Variants in RNF20 observed in about 807,000 individuals in gnomAD.
RNF20 encodes ring finger protein 20, also known as E3 ubiquitin-protein ligase BRE1A.
RNF20 carries 84 observed loss-of-function variants against 126.2 expected under a neutral mutation model. The ratio of observed to expected loss-of-function variants is 0.67; its 90% CI spans 0.56 to 0.80. The LOEUF (loss-of-function observed/expected upper bound fraction) is 0.80. Among genes scored for constraint, RNF20 ranks in the 30% least tolerant of loss-of-function variants. The pLI, the probability that RNF20 is intolerant of heterozygous loss-of-function variation, is 0.00. For missense variants in RNF20, 869 were observed against 1,188.2 expected, an observed-to-expected ratio of 0.73 and a Z score of 3.95; for synonymous variants, 400 against 414.3, an observed-to-expected ratio of 0.97 and a Z score of 0.42.
Position 101,547,384 on chromosome 9 carries a change from T to G in RNF20, c.973-15T>G, listed in dbSNP as rs756416089. On this transcript the variant is annotated splice_polypyrimidine_tract_variant and intron_variant, in intron 8 of 19. Transcript: ENST00000389120. ...AGAATACTTATTTATTCTCTATTTT[T>G]CTGCTTCTCTGCAGTTTGAGGAAAT... The G allele has an allele frequency of 6.2e-7, 1 of 1,613,770 alleles. No homozygotes were observed. The highest frequency in any genetic ancestry group is 1.3e-5 in the African/African-American group (1 of 75,014).
chr9:101,562,249 C>T lies in RNF20; in HGVS notation c.2755C>T (p.Arg919Cys), dbSNP rs1827639969. Reference sequence around the variant, plus strand: ...CTCTGACATCTTTTCTTTTTAGGCACGCTTGACCTGTCCGTGCTGTAACAT... The same window carrying T: ...CTCTGACATCTTTTCTTTTTAGGCATGCTTGACCTGTCCGTGCTGTAACAT... ...LMEEIKDYKA[R>C]LTCPCCNMRK... Residue 919 changes from arginine to cysteine, a missense_variant, in exon 20 of 20, where the codon CGC becomes TGC. Physicochemically the swap from Arg to Cys is radical, Grantham distance 180. This residue lies in a region of RNF20 where 36 missense variants were observed against 85.6 expected (regional missense o/e 0.42). Transcript: ENST00000389120. 1 of 1,612,250 alleles carries T rather than the reference C, an allele frequency of 6.2e-7. No homozygotes were observed. Among genetic ancestry groups the T allele is most frequent in the Non-Finnish European group, 8.5e-7 (1 of 1,178,868 alleles).
rs149958245 is a variant in RNF20 at position 101,561,119 on chromosome 9, C to T, written c.2538C>T (p.Asp846=). 3 of 1,613,848 alleles carry T rather than the reference C, an allele frequency of 1.9e-6. No homozygotes were observed. The highest frequency in any genetic ancestry group is 4.5e-5 in the East Asian group (2 of 44,864). The change falls in exon 18 of 20, where the codon GAC becomes GAT. Residue 846 remains aspartate (D), a synonymous_variant. Transcript: ENST00000389120. The part of the protein sequence containing the change: ...KAMEAAQLAD[D]LKAQLELAQK... ...TGGAGGCAGCCCAGCTTGCAGATGA[C>T]CTCAAAGCACAACTGGAGTTGGCTC...
chr9:101,551,800 T>G lies in RNF20; in HGVS notation c.1389T>G (p.Leu463=), dbSNP rs1427126474. 6.2e-7 allele frequency: 1 copy of G among 1,608,526 alleles called. No homozygotes were observed. Among genetic ancestry groups the G allele is most frequent in the East Asian group, 2.2e-5 (1 of 44,838 alleles). Residue 463 remains leucine (L), a synonymous_variant, in exon 11 of 20, where the codon CTT becomes CTG. Transcript: ENST00000389120. ...TGAGGATAGAATTTGAGCAGACCCT[T>G]GCTGCCAATGAACAAGCAGGTATAA... ...EMLRIEFEQT[L]AANEQAGPIN... is the part of the protein sequence containing the mutation.
intron 9 of RNF20, among the ~76,000 whole-genome samples, chr9:101,548,265 A>G (rs1389767307): frequency 1.3e-5 from 2 of 152,204 alleles, no homozygotes; most frequent in Non-Finnish European, 2.9e-5. Flanking sequence ...TCTCACTTGT[A>G]TGTGGGATCT....
intron 9 of RNF20, among the ~76,000 whole-genome samples, chr9:101,549,666 A>G (rs940841603): frequency 2.6e-5 from 4 of 152,080 alleles, no homozygotes; most frequent in Non-Finnish European, 5.9e-5. Flanking sequence ...CCACCTGGTA[A>G]CGGGCGTCTT....
At position 101,555,384 on chromosome 9, in the gene RNF20, A is replaced by G. The variant is rs549937019; in HGVS notation, c.2169+541A>G. On this transcript the variant is annotated intron_variant, in intron 15 of 19. Transcript: ENST00000389120. Reference sequence around the variant, plus strand: ...ATTAAGCAGTATGTTAACTATGGCTATTTTGGGGTCATAGAACTATAGAGA... The same window carrying G: ...ATTAAGCAGTATGTTAACTATGGCTGTTTTGGGGTCATAGAACTATAGAGA... 4.7e-4 allele frequency among the ~76,000 whole-genome samples: 71 copies of G among 152,132 alleles called. No individual in the cohort carries two copies. In the Middle Eastern group the frequency reaches 0.024, roughly 52 times the overall value.
intron 9 of RNF20, among the ~76,000 whole-genome samples, chr9:101,548,276 A>C (rs1013857052): frequency 6.6e-6 from 1 of 152,204 alleles, no homozygotes; most frequent in East Asian, 1.9e-4. Flanking sequence ...TGTGGGATCT[A>C]AAAAAGTCAA....
intron 2 of RNF20, 117 bp downstream of exon 2, chr9:101,535,669 TA>T: frequency 9.6e-7 from 1 of 1,043,516 alleles, no homozygotes; most frequent in Non-Finnish European, 1.4e-6. Flanking sequence ...AAGAGGGAAA[TA>T]AAACAGGCTG....
At chr9:101,542,567 C>T (rs923737903) in intron 5 of RNF20, among the ~76,000 whole-genome samples, 2 of 152,148 alleles carry the variant, frequency 1.3e-5, no homozygotes, top group African/African-American at 4.8e-5. Context: ...TCCCTGTCAC[C>T]TAATATAAAA....
At chr9:101,560,394 A>G (rs1827606401) in intron 16 of RNF20, among the ~76,000 whole-genome samples, 1 of 152,072 alleles carries the variant, frequency 6.6e-6, no homozygotes, top group Admixed American at 6.6e-5. Context: ...ACACTTTAAT[A>G]TTGTTTGATT....
Position 101,535,559 on chromosome 9 carries a change from G to A in RNF20, c.129+7G>A. The A allele has an allele frequency of 6.2e-7, 1 of 1,604,176 alleles. No individual in the cohort carries two copies. The highest frequency in any genetic ancestry group is 1.3e-5 in the African/African-American group (1 of 74,438). ...AGGAGGTGTCTCTTCAACGGTATGA[G>A]GAAACAGTGCCATGAAAGTGTGCTT... On this transcript the variant is annotated splice_region_variant and intron_variant, in intron 2 of 19. Coordinates refer to ENST00000389120, the MANE Select transcript of RNF20 (RefSeq NM_019592.7).
At chr9:101,539,673 G>A (rs1343269133) in intron 2 of RNF20, among the ~76,000 whole-genome samples, 1 of 152,166 alleles carries the variant, frequency 6.6e-6, no homozygotes, top group Non-Finnish European at 1.5e-5. Context: ...AGTCTGAGAT[G>A]TGTCTTTTGA....
Position 101,547,223 on chromosome 9 carries a change from A to G in RNF20, c.972+9A>G. The G allele has an allele frequency of 6.2e-7, 1 of 1,613,896 alleles. No homozygotes were observed. The highest frequency in any genetic ancestry group is 8.5e-7 in the Non-Finnish European group (1 of 1,179,760). ...CTATCAATGCTCGGAAGGTAAAATCAGTGACTCAGGACATGTTTTGGACTG... is the reference window on the plus strand; with the variant it reads ...CTATCAATGCTCGGAAGGTAAAATCGGTGACTCAGGACATGTTTTGGACTG... On this transcript the variant is annotated intron_variant, in intron 8 of 19. Transcript: ENST00000389120.
intron 5 of RNF20, 51 bp downstream of exon 5, chr9:101,541,026 A>G (rs1454479925): frequency 4.2e-6 from 6 of 1,416,596 alleles, no homozygotes; most frequent in Non-Finnish European, 5.8e-6. Flanking sequence ...ATAAGAATTC[A>G]TTTTTGCATG....
At chr9:101,547,052 A>C (rs1305274115) in intron 7 of RNF20, 85 bp from the exon 8 acceptor site, 1 of 1,602,078 alleles carries the variant, frequency 6.2e-7, no homozygotes, top group Admixed American at 1.7e-5. Flanking sequence ...GTATTTGAGG[A>C]AAAAATCTCA....
chr9:101,540,115 A>G (rs1237690202), intron 2 of RNF20, 88 bp from the exon 3 acceptor site: 1 of 1,220,248 alleles, frequency 8.2e-7, no homozygotes, highest in Non-Finnish European at 1.1e-6. Context: ...ATAGAAAATA[A>G]CTAATGAATA....
chr9:101,554,211 G>A lies in RNF20; in HGVS notation c.2019+106G>A. 3 of 641,552 alleles carry A rather than the reference G, an allele frequency of 4.7e-6. No homozygotes were observed. The East Asian group carries it at 8.5e-5, about 18-fold the overall frequency. The allele number at this position is 641,552 out of a possible 1,614,324, so 39.7% of individuals were successfully genotyped here. A position where few individuals can be genotyped will look rare whatever the true frequency, so the allele number is the denominator to read the frequency against. ...ATTTCTTTCTTTATCTTTAAAATAA[G>A]TGTTTAAGTGCAACATTTTCTGCCT... On this transcript the variant is annotated intron_variant, in intron 14 of 19. Transcript: ENST00000389120.
chr9:101,556,462 G>T (rs1195821102), intron 15 of RNF20, among the ~76,000 whole-genome samples: 1 of 151,994 alleles, frequency 6.6e-6, no homozygotes, highest in Non-Finnish European at 1.5e-5. Context: ...ACTGTGACAT[G>T]TGATGGGACA....
At chr9:101,545,019 A>G (rs1827326356) in intron 6 of RNF20, 134 bp downstream of exon 6, 1 of 662,888 alleles carries the variant, frequency 1.5e-6, no homozygotes, top group African/African-American at 1.8e-5. Flanking sequence ...AAAACACAAC[A>G]CAACTCCAAA....
Sources: gnomAD v4.1 joint callset for allele counts (sites outside exome capture counted in the v4.1 genomes callset) on GRCh38, gnomAD v4.1.1 for gene constraint, gnomAD v4.1.1 regional missense constraint, MANE v1.5 for transcripts, NCBI Gene and HGNC (gene_info 2026-07-23, HGNC 2026-07-21) for gene names.